The following STK38 variants were observed in gnomAD, a reference collection of about 807,000 sequenced individuals.
STK38 encodes the protein serine/threonine kinase 38, also known as serine/threonine-protein kinase 38.
Under a neutral mutation model 59.0 loss-of-function variants are expected in STK38, and 26 were observed. The observed-to-expected ratio is 0.44, with a 90% confidence interval of 0.32 to 0.61. The LOEUF (loss-of-function observed/expected upper bound fraction) is 0.61. Among genes scored for constraint, STK38 ranks in the 20% least tolerant of loss-of-function variants. The probability of loss-of-function intolerance (pLI) is 0.04; values close to 1 mark genes in which losing one functional copy is unlikely to be tolerated. For synonymous variants in STK38, 175 were observed against 176.6 expected (o/e 0.99, Z 0.07); for missense variants, 433 against 566.0 (o/e 0.76, Z 2.38).
At chr6:36,504,103 G>A (rs1366433114) in intron 9 of STK38, among the ~76,000 whole-genome samples, 1 of 152,120 alleles carries the variant, frequency 6.6e-6, no homozygotes, top group Non-Finnish European at 1.5e-5. Flanking sequence ...TTTGTGTCAG[G>A]GTTTTAGAAG....
At chr6:36,502,268 G>A (rs1432843675) in intron 9 of STK38, among the ~76,000 whole-genome samples, 1 of 152,122 alleles carries the variant, frequency 6.6e-6, no homozygotes, top group African/African-American at 2.4e-5. Flanking sequence ...TCAGCCTCCT[G>A]AGTAGCTGGG....
chr6:36,519,821 T>G (rs1163624203), intron 5 of STK38, among the ~76,000 whole-genome samples: 2 of 152,170 alleles, frequency 1.3e-5, no homozygotes, highest in African/African-American at 4.8e-5. Context: ...ACTGAAGGTT[T>G]TCCTTTTGCA....
intron 2 of STK38, among the ~76,000 whole-genome samples, chr6:36,530,814 C>T (rs978160027): frequency 1.3e-5 from 2 of 151,770 alleles, no homozygotes; most frequent in Non-Finnish European, 2.9e-5. Context: ...CTCAACCTCC[C>T]GAGTAGCTGG....
chr6:36,499,428 C>A (rs1776786138), intron 10 of STK38, among the ~76,000 whole-genome samples: 1 of 152,024 alleles, frequency 6.6e-6, no homozygotes. Context: ...ATATGACCAC[C>A]CCCACAGATG....
chr6:36,505,091 CA>C (rs1776933822), intron 9 of STK38, among the ~76,000 whole-genome samples: 1 of 152,104 alleles, frequency 6.6e-6, no homozygotes, highest in African/African-American at 2.4e-5. Context: ...TAGAATCACT[CA>C]GTCTTTTAAA....
intron 2 of STK38, among the ~76,000 whole-genome samples, chr6:36,528,031 C>T (rs1777575167): frequency 6.6e-6 from 1 of 151,782 alleles, no homozygotes; most frequent in African/African-American, 2.4e-5. Flanking sequence ...ATGTTGTGAA[C>T]CCAGGAGGCG....
intron 5 of STK38, among the ~76,000 whole-genome samples, chr6:36,520,396 C>T (rs377608817): frequency 6.6e-6 from 1 of 152,122 alleles, no homozygotes; most frequent in South Asian, 2.1e-4. Context: ...ACCTGGTATA[C>T]ATAAAATTAC....
Position 36,495,922 on chromosome 6 carries a change from A to G in STK38, c.1268-8T>C. 6.2e-7 allele frequency: 1 copy of G among 1,613,858 alleles called. No homozygotes were observed. Among genetic ancestry groups the G allele is most frequent in the South Asian group, 1.1e-5 (1 of 91,068 alleles). ...GATGATTACTTGTGGCCACTGGGAA[A>G]GAAATAGATGTGAGAGTTGATTCAC... On this transcript the variant is annotated splice_polypyrimidine_tract_variant and splice_region_variant and intron_variant, in intron 13 of 13. Coordinates refer to ENST00000229812, the MANE Select transcript of STK38 (RefSeq NM_007271.4).
chr6:36,533,449 G>A (rs910178223), intron 2 of STK38, among the ~76,000 whole-genome samples: 1 of 152,134 alleles, frequency 6.6e-6, no homozygotes, highest in Admixed American at 6.5e-5. Context: ...CACCAATGCT[G>A]TATTTTTAAA....
At chr6:36,543,069 AT>A (rs918419637) in intron 1 of STK38, among the ~76,000 whole-genome samples, 81 of 145,884 alleles carry the variant, frequency 5.6e-4, no homozygotes, top group Middle Eastern at 3.6e-3. Context: ...ATAGCGCTCA[AT>A]TTTTTTTTTT....
intron 9 of STK38, among the ~76,000 whole-genome samples, chr6:36,500,335 A>G (rs1776806388): frequency 6.6e-6 from 1 of 151,912 alleles, no homozygotes; most frequent in Non-Finnish European, 1.5e-5. Flanking sequence ...CTTCATATAC[A>G]TGAGTCCATT....
intron 2 of STK38, among the ~76,000 whole-genome samples, chr6:36,535,168 T>C (rs1442089610): frequency 1.3e-5 from 2 of 152,094 alleles, no homozygotes; most frequent in South Asian, 2.1e-4. Flanking sequence ...AATGGAGACA[T>C]GGGCCAGGTG....
intron 13 of STK38, among the ~76,000 whole-genome samples, chr6:36,496,290 C>T (rs1345446570): frequency 6.6e-6 from 1 of 152,130 alleles, no homozygotes; most frequent in Admixed American, 6.5e-5. Context: ...GATCTGCCCA[C>T]CTCGGCCTCC....
intron 9 of STK38, among the ~76,000 whole-genome samples, chr6:36,505,948 A>G (rs1398195031): frequency 6.6e-6 from 1 of 152,232 alleles, no homozygotes; most frequent in African/African-American, 2.4e-5. Flanking sequence ...CTGCTTAGAC[A>G]GCAATATTTC....
At position 36,525,719 on chromosome 6, in the gene STK38, T is replaced by C. The variant is rs531310370; in HGVS notation, c.132-77A>G. 4.2e-6 allele frequency: 5 copies of C among 1,183,866 alleles called. No individual in the cohort carries two copies. The South Asian group carries it at 5.5e-5, about 13-fold the overall frequency. The allele number at this position is 1,183,866 out of a possible 1,614,324, so 73.3% of individuals were successfully genotyped here. A position where few individuals can be genotyped will look rare whatever the true frequency, so the allele number is the denominator to read the frequency against. On this transcript the variant is annotated intron_variant, in intron 2 of 13. Transcript: ENST00000229812. ...CTGAAAATTCTGTAACTTAATACTG[T>C]AGTAGATTTTTAAAAATGACACAAA...
intron 2 of STK38, among the ~76,000 whole-genome samples, chr6:36,529,572 C>A (rs1777617615): frequency 6.6e-6 from 1 of 152,160 alleles, no homozygotes; most frequent in South Asian, 2.1e-4. Context: ...CCATATCCAG[C>A]CTCACCCCAG....
chr6:36,538,891 C>CA (rs1214217676), intron 2 of STK38, among the ~76,000 whole-genome samples: 16,977 of 53,578 alleles, frequency 0.32, 2,742 homozygotes, highest in East Asian at 0.41. Flanking sequence ...GACTCTGTCT[C>CA]AAAAAAAAAA....
intron 1 of STK38, 148 bp from the exon 2 acceptor site, chr6:36,540,355 T>A (rs1430093213): frequency 1.3e-6 from 1 of 753,370 alleles, no homozygotes. Context: ...AGAAAGAGAA[T>A]ACTTAGTGAA....
intron 6 of STK38, among the ~76,000 whole-genome samples, chr6:36,515,701 G>A (rs1002511270): frequency 1.3e-5 from 2 of 152,166 alleles, no homozygotes; most frequent in African/African-American, 4.8e-5. Context: ...GCTAGCTAAG[G>A]TTGACCACTA....
Sources: gnomAD v4.1 joint callset for allele counts (sites outside exome capture counted in the v4.1 genomes callset) on GRCh38, gnomAD v4.1.1 for gene constraint, MANE v1.5 for transcripts, NCBI Gene and HGNC (gene_info 2026-07-23, HGNC 2026-07-21) for gene names.